The following SLC11A2 variants were observed in gnomAD, a reference collection of about 807,000 sequenced individuals.
The protein encoded by SLC11A2 is solute carrier family 11 member 2, also known as natural resistance-associated macrophage protein 2.
Under a neutral mutation model 68.0 loss-of-function variants are expected in SLC11A2, and 38 were observed. The ratio of observed to expected loss-of-function variants is 0.56; its 90% CI spans 0.43 to 0.73. The LOEUF is 0.73. Ranked by LOEUF, SLC11A2 falls within the 30% of genes least tolerant of loss-of-function variation. The pLI, the probability that SLC11A2 is intolerant of heterozygous loss-of-function variation, is 0.00. For synonymous variants in SLC11A2, 242 were observed against 250.6 expected, an observed-to-expected ratio of 0.97 and a Z score of 0.32; for missense variants, 517 against 690.5, an observed-to-expected ratio of 0.75 and a Z score of 2.82.
chr12:51,026,308 A>T lies in SLC11A2; in HGVS notation c.-39+2T>A. ...TGACCCCTGACCTTGCCTTCCCCTC[A>T]CCTTACCAGCTCCGCAACCACCTGA... On this transcript the variant is annotated splice_donor_variant, in intron 1 of 15. Coordinates refer to ENST00000262052, the MANE Select transcript of SLC11A2 (RefSeq NM_000617.3). LOFTEE classifies it low-confidence loss of function (5UTR_SPLICE). The T allele has an allele frequency of 8.0e-7, 1 of 1,256,856 alleles. No individual in the cohort carries two copies. The highest frequency in any genetic ancestry group is 1.0e-6 in the Non-Finnish European group (1 of 966,436). 77.9% of individuals were successfully genotyped at this position (1,256,856 alleles called of 1,614,324 possible).
chr12:51,003,459 C>T (rs1487443781), intron 5 of SLC11A2, among the ~76,000 whole-genome samples: 1 of 151,370 alleles, frequency 6.6e-6, no homozygotes, highest in Non-Finnish European at 1.5e-5. Flanking sequence ...TCCCTGGAAT[C>T]GCCTCACTGC....
chr12:51,018,705 C>G (rs146397106), intron 1 of SLC11A2, among the ~76,000 whole-genome samples: 85 of 151,290 alleles, frequency 5.6e-4, no homozygotes, highest in African/African-American at 1.9e-3. Context: ...GAGGTTGTGG[C>G]TGCAGTGAGC....
intron 5 of SLC11A2, among the ~76,000 whole-genome samples, chr12:51,000,961 T>G (rs547564984): frequency 2.3e-4 from 35 of 151,418 alleles, no homozygotes; most frequent in Admixed American, 6.6e-4. Flanking sequence ...AGGACAGGGT[T>G]CAAGATCAGC....
At chr12:50,964,623 G>C in the SLC11A2 span, among the ~76,000 whole-genome samples, 6 of 152,168 alleles carry the variant, frequency 3.9e-5, no homozygotes, top group Admixed American at 2.0e-4. Flanking sequence ...GGCAGTGAAA[G>C]CATACTGTGG....
chr12:50,974,533 A>G (rs1224795208), downstream of SLC11A2, among the ~76,000 whole-genome samples: 3 of 151,892 alleles, frequency 2.0e-5, no homozygotes, highest in African/African-American at 7.3e-5. Context: ...CACTGCAAAA[A>G]CATGCCAAAT....
At chr12:51,018,875 G>C (rs1381571570) in intron 1 of SLC11A2, among the ~76,000 whole-genome samples, 1 of 152,220 alleles carries the variant, frequency 6.6e-6, no homozygotes, top group Non-Finnish European at 1.5e-5. Context: ...TAGTCTTACA[G>C]CTGAAAAGGT....
intron 5 of SLC11A2, among the ~76,000 whole-genome samples, chr12:51,002,494 C>A (rs571811338): frequency 6.6e-6 from 1 of 151,768 alleles, no homozygotes; most frequent in East Asian, 1.9e-4. Context: ...CAAAAATTAG[C>A]TGGGTGTGGT....
intron 3 of SLC11A2, among the ~76,000 whole-genome samples, chr12:51,006,707 A>G (rs1942760132): frequency 6.6e-6 from 1 of 152,266 alleles, no homozygotes; most frequent in Admixed American, 6.5e-5. Flanking sequence ...TAGACACTCC[A>G]CAGCCCCTCA....
downstream of SLC11A2, chr12:50,981,514 T>G (rs1170388626): frequency 2.0e-6 from 1 of 490,640 alleles, no homozygotes; most frequent in Non-Finnish European, 3.7e-6. Context: ...ATCGTTTAAC[T>G]CTGGGAGTGT....
intron 14 of SLC11A2, 121 bp downstream of exon 14, chr12:50,991,478 A>G (rs1941141933): frequency 1.3e-6 from 1 of 769,346 alleles, no homozygotes; most frequent in South Asian, 1.5e-5. Flanking sequence ...GGAAGCAGCT[A>G]GCAATCACCT....
At chr12:50,998,077 G>A (rs1274977908) in intron 8 of SLC11A2, among the ~76,000 whole-genome samples, 1 of 151,826 alleles carries the variant, frequency 6.6e-6, no homozygotes, top group Admixed American at 6.6e-5. Context: ...TACAACCAGG[G>A]CCAGGCACAG....
At chr12:51,013,289 CTTTTTT>C (rs10588295) in intron 1 of SLC11A2, among the ~76,000 whole-genome samples, 4 of 130,966 alleles carry the variant, frequency 3.1e-5, no homozygotes, top group Non-Finnish European at 3.3e-5. Flanking sequence ...AATTAAATTG[CTTTTTT>C]TTTTTTTTTT....
chr12:50,999,125 ACC>A (rs1592353358), intron 8 of SLC11A2, 47 bp downstream of exon 8: 2 of 1,425,294 alleles, frequency 1.4e-6, no homozygotes, highest in South Asian at 1.2e-5. Flanking sequence ...AAAAAAAAAA[ACC>A]ACAAAAACTT....
At chr12:50,963,798 A>G in the SLC11A2 span, among the ~76,000 whole-genome samples, 1 of 152,344 alleles carries the variant, frequency 6.6e-6, no homozygotes, top group South Asian at 2.1e-4. Flanking sequence ...TAATAAAAGG[A>G]AAGGAATTCT....
Position 51,026,339 on chromosome 12 carries a change from C to G in SLC11A2, c.-68G>C. ...CCAGCTCCGCAACCACCTGACACGC[C>G]GCCCCCGCGCCCAGGGCTCCATATT... is the stretch of plus-strand genomic sequence containing the variant. On this transcript the variant is annotated 5_prime_UTR_variant, in exon 1 of 16. Transcript: ENST00000262052. 1.6e-6 allele frequency: 2 copies of G among 1,277,476 alleles called. No individual in the cohort carries two copies. The highest frequency in any genetic ancestry group is 1.2e-5 in the South Asian group (1 of 80,442). The allele number at this position is 1,277,476 out of a possible 1,614,324, so 79.1% of individuals were successfully genotyped here.
At chr12:51,005,270 A>C in intron 4 of SLC11A2, 41 bp downstream of exon 4, 1 of 1,606,622 alleles carries the variant, frequency 6.2e-7, no homozygotes, top group South Asian at 1.1e-5. Flanking sequence ...GTGAGAGTGT[A>C]TTATGTGCTT....
At chr12:51,028,113 G>T, upstream of SLC11A2, 2 of 1,023,666 alleles carry the variant, frequency 2.0e-6, no homozygotes, top group Non-Finnish European at 2.8e-6. Context: ...AAATAAAATT[G>T]CTAGAGCTGT....
intron 2 of SLC11A2, 92 bp downstream of exon 2, chr12:51,010,603 T>G (rs368665677): frequency 5.3e-6 from 4 of 760,484 alleles, no homozygotes; most frequent in Middle Eastern, 2.4e-4. Flanking sequence ...TGATGACAGA[T>G]GATGACAAGA....
chr12:50,969,183 A>G, the SLC11A2 span, among the ~76,000 whole-genome samples: 1 of 151,900 alleles, frequency 6.6e-6, no homozygotes, highest in Non-Finnish European at 1.5e-5. Flanking sequence ...AGTCCCAGCT[A>G]CTAGGGGGGC....
Sources: allele counts gnomAD v4.1 joint callset (sites outside exome capture counted in the v4.1 genomes callset), GRCh38; gene constraint gnomAD v4.1.1; transcripts MANE v1.5; gene names NCBI Gene and HGNC (gene_info 2026-07-23, HGNC 2026-07-21).